The following FAM107A variants were observed in gnomAD, a reference collection of about 807,000 sequenced individuals.
The protein encoded by FAM107A is actin-associated protein FAM107A.
Under a neutral mutation model 13.7 loss-of-function variants are expected in FAM107A, and 19 were observed. The ratio of observed to expected loss-of-function variants is 1.38; its 90% CI spans 0.97 to 2.03. The LOEUF is 2.03. Ranked by LOEUF, FAM107A falls within the 30% of genes most tolerant of loss-of-function variation. The pLI is 0.00. For synonymous variants in FAM107A, 82 were observed against 74.5 expected (o/e 1.10, Z -0.52); for missense variants, 203 against 184.4 (o/e 1.10, Z -0.58).
chr3:58,622,924 A>G (rs1042875674), intron 1 of FAM107A, among the ~76,000 whole-genome samples: 1 of 152,310 alleles, frequency 6.6e-6, no homozygotes, highest in Admixed American at 6.5e-5. Flanking sequence ...AGTGAGGTGC[A>G]AGGCCCCTTT....
intron 1 of FAM107A, among the ~76,000 whole-genome samples, chr3:58,586,674 G>A (rs2065609274): frequency 6.6e-6 from 1 of 152,160 alleles, no homozygotes. Context: ...CTCCAGTCGG[G>A]GAGAAAGAAT....
At chr3:58,575,230 A>G (rs2063720990) in intron 1 of FAM107A, among the ~76,000 whole-genome samples, 1 of 152,216 alleles carries the variant, frequency 6.6e-6, no homozygotes, top group Non-Finnish European at 1.5e-5. Context: ...AATCCTTCCC[A>G]GCTGTGTTAC....
Position 58,569,502 on chromosome 3 carries a change from G to A in FAM107A, c.170+189C>T, listed in dbSNP as rs1487712831. On this transcript the variant is annotated intron_variant, in intron 2 of 3. Transcript: ENST00000360997. This position sits in a 1 kb window ranked among gnomAD's most constrained non-coding sequence, Gnocchi z 5.7. Reference sequence around the variant, plus strand: ...AGAACAGGGCTTTTTGGTCCCTCTGGTTCCCAGGGACCCACTGGGGACAGG... The same window carrying A: ...AGAACAGGGCTTTTTGGTCCCTCTGATTCCCAGGGACCCACTGGGGACAGG... Among the ~76,000 whole-genome samples the A allele has an allele frequency of 6.6e-6, 1 of 152,170 alleles. No individual in the cohort carries two copies. The highest frequency in any genetic ancestry group is 1.5e-5 in the Non-Finnish European group (1 of 68,030).
chr3:58,626,943 C>A, intron 1 of FAM107A: 1 of 1,535,196 alleles, frequency 6.5e-7, no homozygotes, highest in Admixed American at 2.0e-5. Flanking sequence ...ATGACCAGGG[C>A]CCCAACAGGA....
At chr3:58,587,474 AGTGT>A (rs376881213), upstream of FAM107A, among the ~76,000 whole-genome samples, 23,820 of 144,996 alleles carry the variant, frequency 0.16, 1,983 homozygotes, top group Non-Finnish European at 0.18. Flanking sequence ...ATCAGCTTAG[AGTGT>A]GTGTGTGTGT....
chr3:58,626,447 C>T (rs1559490164), intron 1 of FAM107A, among the ~76,000 whole-genome samples: 1 of 152,172 alleles, frequency 6.6e-6, no homozygotes, highest in Non-Finnish European at 1.5e-5. Context: ...TACACAGTGC[C>T]AGGCAGTGTT....
rs1019107095 is a variant in FAM107A at position 58,604,981 on chromosome 3, T to C, written c.-69-15712A>G. 5.9e-5 allele frequency among the ~76,000 whole-genome samples: 9 copies of C among 152,356 alleles called. No individual in the cohort carries two copies. Among genetic ancestry groups the C allele is most frequent in the Admixed American group, 6.5e-5 (1 of 15,302 alleles). ...GCAGTACAATTATTAGGTGATCCCT[T>C]TGAAGTTCCATGGGCTTGTTTTTGC... On this transcript the variant is annotated intron_variant, in intron 1 of 3. Transcript: ENST00000465970. This position sits in a 1 kb window ranked among gnomAD's most constrained non-coding sequence, Gnocchi z 4.1.
chr3:58,621,938 G>A (rs1371839909), intron 1 of FAM107A, among the ~76,000 whole-genome samples: 1 of 152,226 alleles, frequency 6.6e-6, no homozygotes, highest in Non-Finnish European at 1.5e-5. Context: ...AAATGGGCAT[G>A]AGAATATTAG....
Position 58,606,035 on chromosome 3 carries a change from C to T in FAM107A, c.-69-16766G>A, listed in dbSNP as rs192243934. 9.8e-5 allele frequency among the ~76,000 whole-genome samples: 15 copies of T among 152,312 alleles called. No individual in the cohort carries two copies. The East Asian group carries it at 2.9e-3, about 29-fold the overall frequency. ...CTGTATACCTTAATTCCTGTTTCTG[C>T]CACTGACCCTCTGGTCTGGGAGGTC... On this transcript the variant is annotated intron_variant, in intron 1 of 3. Transcript: ENST00000465970.
At chr3:58,570,272 A>T (rs1462087535) in intron 1 of FAM107A, 1 of 459,418 alleles carries the variant, frequency 2.2e-6, no homozygotes. Flanking sequence ...AAAGAGTAAC[A>T]TGTACTTGTT....
intron 1 of FAM107A, among the ~76,000 whole-genome samples, chr3:58,603,067 G>A (rs2065765763): frequency 6.6e-6 from 1 of 152,132 alleles, no homozygotes. Context: ...CATTTCTTGA[G>A]TTTCGTTTTT....
At chr3:58,580,411 A>ATTTTTT (rs35805159), upstream of FAM107A, among the ~76,000 whole-genome samples, 5 of 89,034 alleles carry the variant, frequency 5.6e-5, no homozygotes, top group African/African-American at 1.3e-4. Flanking sequence ...AGGAATCTGG[A>ATTTTTT]TTTTTTTTTT....
chr3:58,567,138 C>T lies in FAM107A; in HGVS notation c.327+70G>A, dbSNP rs867674253. 2.5e-6 allele frequency: 4 copies of T among 1,571,042 alleles called. No homozygotes were observed. In the African/African-American group the frequency reaches 4.0e-5, roughly 16 times the overall value. ...CCTCTTCCCTCTTACTAGCTGTGGC[C>T]ACAGCAGAGCTCCTCCCTGGAGGAC... On this transcript the variant is annotated intron_variant, in intron 3 of 3. Coordinates refer to ENST00000360997, the MANE Select transcript of FAM107A (RefSeq NM_001076778.3).
chr3:58,627,114 C>T (rs1575462094), intron 1 of FAM107A: 4 of 952,578 alleles, frequency 4.2e-6, no homozygotes, highest in African/African-American at 1.6e-5. Flanking sequence ...CCCCTGTCCT[C>T]TTGCGGCTCA....
chr3:58,577,508 T>A, upstream of FAM107A: 2 of 985,370 alleles, frequency 2.0e-6, no homozygotes, highest in Non-Finnish European at 2.4e-6. This position sits in a 1 kb window ranked among gnomAD's most constrained non-coding sequence, Gnocchi z 4.9. Context: ...AAAAAGGAAC[T>A]GTTACTATAG....
At chr3:58,610,198 C>T (rs554465237) in intron 1 of FAM107A, among the ~76,000 whole-genome samples, 5 of 152,294 alleles carry the variant, frequency 3.3e-5, no homozygotes, top group Admixed American at 1.3e-4. Flanking sequence ...TCATTACCCG[C>T]GTACAACCAC....
rs910856092 is a variant in FAM107A, at chr3:58,569,743, C to T, written c.118G>A (p.Ala40Thr). 5.6e-6 allele frequency: 9 copies of T among 1,614,004 alleles called. No homozygotes were observed. The highest frequency in any genetic ancestry group is 6.8e-6 in the Non-Finnish European group (8 of 1,180,010). ...KPKKLLNPVK[A>T]SRSHQELHRE... ...TGGAGCTCCTGGTGACTCCGAGAGG[C>T]CTTCACGGGGTTCAGCAGCTTCTTG... The change falls in exon 2 of 4, where the codon GCC becomes ACC. Residue 40 changes from alanine to threonine, a missense_variant. Physicochemically the swap from Ala to Thr is moderately conservative, Grantham distance 58. Transcript: ENST00000360997. The surrounding 1 kb of genome is among the most constrained non-coding windows in gnomAD (Gnocchi z 5.7).
intron 1 of FAM107A, among the ~76,000 whole-genome samples, chr3:58,606,242 C>T (rs1457514418): frequency 6.6e-6 from 1 of 152,156 alleles, no homozygotes; most frequent in South Asian, 2.1e-4. Context: ...ATTACAAGCA[C>T]CTGCCACCAT....
chr3:58,598,378 G>C (rs534593079), intron 1 of FAM107A, among the ~76,000 whole-genome samples: 1 of 152,288 alleles, frequency 6.6e-6, no homozygotes, highest in African/African-American at 2.4e-5. Context: ...ATCAAAGGAG[G>C]CCTCTACAGT....
Sources: gnomAD v4.1 joint callset for allele counts (sites outside exome capture counted in the v4.1 genomes callset) on GRCh38, gnomAD v4.1.1 for gene constraint, Gnocchi (gnomAD v3.1) non-coding constraint, MANE v1.5 for transcripts, NCBI Gene and HGNC (gene_info 2026-07-23, HGNC 2026-07-21) for gene names.